The following DLG2 variants were observed in gnomAD, a reference collection of about 807,000 sequenced individuals.
The protein encoded by DLG2 is disks large homolog 2.
In DLG2, 45 loss-of-function variants were observed where a neutral mutation model predicts 132.5. That is an observed-to-expected ratio of 0.34 (90% confidence interval 0.27 to 0.44). The LOEUF (loss-of-function observed/expected upper bound fraction) is 0.44, where lower values mean the gene tolerates loss of function less well. Among genes scored for constraint, DLG2 ranks in the 20% least tolerant of loss-of-function variants. The probability of loss-of-function intolerance (pLI) is 1.00; values close to 1 mark genes in which losing one functional copy is unlikely to be tolerated. For missense variants in DLG2, 1,045 were observed against 1,196.9 expected (o/e 0.87, Z 1.87); for synonymous variants, 424 against 419.6 (o/e 1.01, Z -0.13).
chr11:83,855,584 G>T (rs1019029045), intron 16 of DLG2, among the ~76,000 whole-genome samples: 1 of 152,128 alleles, frequency 6.6e-6, no homozygotes, highest in African/African-American at 2.4e-5. Flanking sequence ...GCTACATACT[G>T]TATTATTCCA....
intron 6 of DLG2, among the ~76,000 whole-genome samples, chr11:84,552,668 T>C (rs998724758): frequency 9.2e-5 from 14 of 152,202 alleles, no homozygotes; most frequent in African/African-American, 1.9e-4. Context: ...AATGCAAGGA[T>C]TGAGTCTTGT....
chr11:84,174,635 G>T (rs12788766), intron 8 of DLG2, among the ~76,000 whole-genome samples: 9,046 of 152,102 alleles, frequency 0.059, 342 homozygotes, highest in African/African-American at 0.097. Context: ...AGGTCCTAGG[G>T]CTATAGTGGT....
At chr11:83,809,798 G>A (rs554751853) in intron 17 of DLG2, among the ~76,000 whole-genome samples, 2 of 152,052 alleles carry the variant, frequency 1.3e-5, no homozygotes, top group South Asian at 2.1e-4. Flanking sequence ...TACAAAATAC[G>A]GGTTGAAGAA....
chr11:84,308,670 C>T (rs551872678), intron 7 of DLG2, among the ~76,000 whole-genome samples: 2 of 152,242 alleles, frequency 1.3e-5, no homozygotes, highest in East Asian at 1.9e-4. Context: ...GGCATGGTCC[C>T]GAGCCCTGCC....
intron 7 of DLG2, among the ~76,000 whole-genome samples, chr11:84,326,231 T>G (rs917409803): frequency 5.9e-5 from 9 of 152,062 alleles, no homozygotes; most frequent in Admixed American, 5.9e-4. Context: ...TTTTATTCTT[T>G]ATTTTTTTCT....
At chr11:85,158,275 T>G (rs1349076584) in intron 4 of DLG2, among the ~76,000 whole-genome samples, 2 of 152,132 alleles carry the variant, frequency 1.3e-5, no homozygotes, top group Non-Finnish European at 2.9e-5. Context: ...CCGGCCCCAC[T>G]AAGTAGGGAC....
intron 11 of DLG2, among the ~76,000 whole-genome samples, chr11:84,051,739 G>T (rs142881564): frequency 1.3e-5 from 2 of 151,000 alleles, no homozygotes; most frequent in Non-Finnish European, 3.0e-5. Flanking sequence ...TAACCTGCAC[G>T]TTGTGCACAT....
At chr11:84,874,177 G>T (rs541494896) in intron 6 of DLG2, among the ~76,000 whole-genome samples, 12 of 152,234 alleles carry the variant, frequency 7.9e-5, no homozygotes, top group South Asian at 2.1e-4. Context: ...ACACATGAGG[G>T]TATTAATAAA....
At chr11:83,577,748 A>C (rs1244983731) in intron 19 of DLG2, among the ~76,000 whole-genome samples, 1 of 127,296 alleles carries the variant, frequency 7.9e-6, no homozygotes, top group Non-Finnish European at 1.6e-5. Flanking sequence ...GGATATTATA[A>C]ATATATAATT....
chr11:84,369,136 A>G (rs536178442), intron 7 of DLG2, among the ~76,000 whole-genome samples: 1 of 152,102 alleles, frequency 6.6e-6, no homozygotes, highest in Non-Finnish European at 1.5e-5. Context: ...TGTTTTATAC[A>G]TTACCTTATA....
intron 6 of DLG2, among the ~76,000 whole-genome samples, chr11:84,596,854 T>A (rs1277787971): frequency 6.6e-6 from 1 of 152,172 alleles, no homozygotes; most frequent in Non-Finnish European, 1.5e-5. Context: ...AAATACTATT[T>A]CTAAAAGACT....
chr11:84,017,965 C>A (rs1260375821), intron 11 of DLG2, among the ~76,000 whole-genome samples: 1 of 151,890 alleles, frequency 6.6e-6, no homozygotes, highest in East Asian at 1.9e-4. Flanking sequence ...TTTGTTTTCT[C>A]TTACTGCTTT....
intron 6 of DLG2, among the ~76,000 whole-genome samples, chr11:84,733,760 T>G (rs1167927241): frequency 6.6e-6 from 1 of 152,212 alleles, no homozygotes; most frequent in Non-Finnish European, 1.5e-5. Context: ...CTAGGGTTTT[T>G]ATGGTTTTAG....
At chr11:84,297,358 A>C (rs1395982879) in intron 7 of DLG2, among the ~76,000 whole-genome samples, 3 of 152,030 alleles carry the variant, frequency 2.0e-5, no homozygotes, top group African/African-American at 7.3e-5. Context: ...AATTTTCTGA[A>C]GATGTTTTGA....
intron 6 of DLG2, among the ~76,000 whole-genome samples, chr11:84,776,332 T>G (rs1054821439): frequency 2.0e-5 from 3 of 152,120 alleles, no homozygotes; most frequent in African/African-American, 7.2e-5. Flanking sequence ...TTTAAAACAT[T>G]TTTTTGTACT....
intron 3 of DLG2, among the ~76,000 whole-genome samples, chr11:85,550,294 G>A (rs1290681932): frequency 6.6e-6 from 1 of 152,244 alleles, no homozygotes; most frequent in Non-Finnish European, 1.5e-5. Context: ...CTAAGCCATA[G>A]TGGATGGCAG....
intron 6 of DLG2, among the ~76,000 whole-genome samples, chr11:84,746,854 G>C (rs1371767389): frequency 2.0e-5 from 3 of 152,122 alleles, no homozygotes; most frequent in Non-Finnish European, 4.4e-5. Flanking sequence ...TGTATCCTCA[G>C]GAAGGTAGTA....
intron 8 of DLG2, among the ~76,000 whole-genome samples, chr11:84,171,872 A>G (rs1296331513): frequency 6.6e-6 from 1 of 152,194 alleles, no homozygotes. Context: ...TGAGGCTTGC[A>G]TTAATACAAC....
chr11:84,277,691 T>C (rs2097795678), intron 7 of DLG2, among the ~76,000 whole-genome samples: 2 of 151,904 alleles, frequency 1.3e-5, no homozygotes, highest in African/African-American at 4.8e-5. Flanking sequence ...AAACCCAAAG[T>C]AGGCAAATGA....
Sources: gnomAD v4.1 joint callset for allele counts (sites outside exome capture counted in the v4.1 genomes callset) on GRCh38, gnomAD v4.1.1 for gene constraint, MANE v1.5 for transcripts, NCBI Gene and HGNC (gene_info 2026-07-23, HGNC 2026-07-21) for gene names.